TEAD4: variants seen among roughly 807,000 people sequenced by gnomAD.
TEAD4 encodes the protein transcriptional enhancer factor TEF-3.
A neutral mutation model predicts 52.4 loss-of-function variants in TEAD4; 36 were observed. The ratio of observed to expected loss-of-function variants is 0.69; its 90% CI spans 0.53 to 0.91. TEAD4 has a LOEUF of 0.91. Among genes scored for constraint, TEAD4 ranks in the 40% least tolerant of loss-of-function variants. The probability of loss-of-function intolerance (pLI) is 0.00; values close to 1 mark genes in which losing one functional copy is unlikely to be tolerated. For synonymous variants in TEAD4, 220 were observed against 231.0 expected, an observed-to-expected ratio of 0.95 and a Z score of 0.43; for missense variants, 508 against 583.9, an observed-to-expected ratio of 0.87 and a Z score of 1.34.
intron 3 of TEAD4, among the ~76,000 whole-genome samples, chr12:2,995,867 G>T (rs1432895961): frequency 6.6e-6 from 1 of 152,048 alleles, no homozygotes; most frequent in Non-Finnish European, 1.5e-5. Flanking sequence ...AATTACCCAG[G>T]TTTGGTGGTG....
chr12:3,019,430 A>T (rs1363851545), intron 8 of TEAD4, among the ~76,000 whole-genome samples: 9 of 152,166 alleles, frequency 5.9e-5, no homozygotes. Context: ...CTTGTGGGGC[A>T]CGTGCAGTTC....
rs562919767 is a variant in TEAD4, at chr12:3,032,416, G to A, written c.898-5552G>A. 3.9e-5 allele frequency among the ~76,000 whole-genome samples: 6 copies of A among 152,280 alleles called. No homozygotes were observed. In the East Asian group the frequency reaches 9.6e-4, roughly 24 times the overall value. ...GTCTCGGGGTCCTGGGACAGGAGCCGCTGGACAGGGGGCTGTGGTGTGCCC... is the reference window on the plus strand; with the variant it reads ...GTCTCGGGGTCCTGGGACAGGAGCCACTGGACAGGGGGCTGTGGTGTGCCC... On this transcript the variant is annotated intron_variant, in intron 10 of 12. Transcript: ENST00000359864.
intron 5 of TEAD4, 105 bp downstream of exon 5, chr12:3,012,337 CT>C (rs1267274637): frequency 1.6e-6 from 2 of 1,279,212 alleles, no homozygotes; most frequent in Non-Finnish European, 2.2e-6. Flanking sequence ...AGTCAGTGTG[CT>C]TTTCTCTCTG....
chr12:3,038,974 G>A (rs1195102710), intron 11 of TEAD4, among the ~76,000 whole-genome samples: 6 of 152,196 alleles, frequency 3.9e-5, no homozygotes, highest in East Asian at 1.9e-4. Flanking sequence ...TCACCGTGCA[G>A]GCCAGTCTTC....
intron 2 of TEAD4, among the ~76,000 whole-genome samples, chr12:2,992,799 G>A (rs1441228129): frequency 1.3e-5 from 2 of 152,142 alleles, no homozygotes; most frequent in Non-Finnish European, 2.9e-5. Flanking sequence ...TTCCCAGCTG[G>A]TACTCATAAC....
intron 10 of TEAD4, among the ~76,000 whole-genome samples, chr12:3,035,366 G>A (rs1199592792): frequency 2.0e-5 from 3 of 152,182 alleles, no homozygotes; most frequent in Non-Finnish European, 4.4e-5. Context: ...ATCCTTCCCA[G>A]GCAGCTGGGC....
intron 2 of TEAD4, among the ~76,000 whole-genome samples, chr12:2,969,387 C>G (rs764617362): frequency 5.3e-5 from 8 of 152,184 alleles, no homozygotes; most frequent in African/African-American, 2.4e-5. Flanking sequence ...TGAGCATCCT[C>G]GGGTTTCAGT....
chr12:3,033,412 C>A (rs527451525), intron 10 of TEAD4, among the ~76,000 whole-genome samples: 13 of 152,358 alleles, frequency 8.5e-5, no homozygotes, highest in African/African-American at 2.9e-4. Flanking sequence ...CCCCGCAAGT[C>A]CAGCAGAGGC....
At chr12:3,015,740 C>T (rs1294098746) in intron 5 of TEAD4, among the ~76,000 whole-genome samples, 3 of 152,124 alleles carry the variant, frequency 2.0e-5, no homozygotes, top group Middle Eastern at 3.2e-3. Context: ...ACTGCAGCCT[C>T]GACCTCCTGG....
At chr12:3,006,725 G>GA (rs909163577) in intron 3 of TEAD4, among the ~76,000 whole-genome samples, 2 of 151,344 alleles carry the variant, frequency 1.3e-5, no homozygotes, top group South Asian at 2.1e-4. Flanking sequence ...AAAGAAGAAA[G>GA]AAAAAAAATA....
At position 3,040,556 on chromosome 12, in the gene TEAD4, G is replaced by A; in HGVS notation, c.*78G>A. On this transcript the variant is annotated 3_prime_UTR_variant, in exon 13 of 13. Transcript: ENST00000359864. ...CGTGGGGAGGGGACCTGCAGGGGCA[G>A]CCCCCTGAAGTGCCAAGAGAGCTGA... 1 of 1,302,254 alleles carries A rather than the reference G, an allele frequency of 7.7e-7. No homozygotes were observed. The highest frequency in any genetic ancestry group is 2.4e-5 in the East Asian group (1 of 41,748). The allele number at this position is 1,302,254 out of a possible 1,614,324, so 80.7% of individuals were successfully genotyped here.
At chr12:2,981,062 A>T (rs1237595334) in intron 2 of TEAD4, among the ~76,000 whole-genome samples, 2 of 152,190 alleles carry the variant, frequency 1.3e-5, no homozygotes, top group East Asian at 1.9e-4. Flanking sequence ...TTGGAGGAAG[A>T]TGTAGTCAAG....
At chr12:3,001,571 A>C (rs1238528465) in intron 3 of TEAD4, among the ~76,000 whole-genome samples, 1 of 152,084 alleles carries the variant, frequency 6.6e-6, no homozygotes, top group African/African-American at 2.4e-5. Flanking sequence ...GGAGTTTGAG[A>C]CCAGCCTGGC....
chr12:2,976,703 T>G, intron 2 of TEAD4, among the ~76,000 whole-genome samples: 1 of 105,608 alleles, frequency 9.5e-6, no homozygotes, highest in East Asian at 1.9e-4. Context: ...CCCTGAGAGC[T>G]GAGGAGATGG....
chr12:2,980,466 C>T (rs1050517998), intron 2 of TEAD4, among the ~76,000 whole-genome samples: 2 of 152,188 alleles, frequency 1.3e-5, no homozygotes, highest in African/African-American at 4.8e-5. Flanking sequence ...GATGTGGTGG[C>T]TTACGCCTGT....
intron 2 of TEAD4, among the ~76,000 whole-genome samples, chr12:2,964,871 C>G (rs1289276411): frequency 6.6e-6 from 1 of 152,026 alleles, no homozygotes; most frequent in Non-Finnish European, 1.5e-5. Flanking sequence ...TAAGGGTCGA[C>G]CAGACTTTGT....
At chr12:3,012,070 G>A in intron 4 of TEAD4, 100 bp from the exon 5 acceptor site, 1 of 1,197,288 alleles carries the variant, frequency 8.4e-7, no homozygotes, top group South Asian at 1.4e-5. Flanking sequence ...TTGGTCCACA[G>A]ATGTGGGTTG....
chr12:2,965,357 G>A (rs1438625960), intron 2 of TEAD4, among the ~76,000 whole-genome samples: 3 of 151,580 alleles, frequency 2.0e-5, no homozygotes, highest in South Asian at 2.1e-4. Flanking sequence ...GTAGGGTCTC[G>A]CTTTGTTGTC....
intron 2 of TEAD4, among the ~76,000 whole-genome samples, chr12:2,971,026 C>T (rs1044791375): frequency 1.2e-4 from 18 of 152,254 alleles, no homozygotes; most frequent in African/African-American, 2.9e-4. Context: ...CAGCTCCCTC[C>T]GACTGCACCT....
Sources: allele counts gnomAD v4.1 joint callset (sites outside exome capture counted in the v4.1 genomes callset), GRCh38; gene constraint gnomAD v4.1.1; transcripts MANE v1.5; gene names NCBI Gene and HGNC (gene_info 2026-07-23, HGNC 2026-07-21).